ANKRD46: variants seen among roughly 807,000 people sequenced by gnomAD.
The protein encoded by ANKRD46 is ankyrin repeat domain-containing protein 46.
Under a neutral mutation model 19.8 loss-of-function variants are expected in ANKRD46, and 13 were observed. The observed-to-expected ratio is 0.66, with a 90% CI of 0.43 to 1.04. ANKRD46 has a LOEUF of 1.04. Among genes scored for constraint, ANKRD46 ranks in the 50% least tolerant of loss-of-function variants. The pLI is 0.00. For synonymous variants in ANKRD46, 91 were observed against 106.9 expected (o/e 0.85, Z 0.92); for missense variants, 185 against 274.8 (o/e 0.67, Z 2.31).
At chr8:100,531,924 T>C (rs949330918) in intron 2 of ANKRD46, among the ~76,000 whole-genome samples, 4 of 152,162 alleles carry the variant, frequency 2.6e-5, no homozygotes, top group Non-Finnish European at 5.9e-5. Context: ...GGGAGATCAA[T>C]CATTAGGTCA....
intron 1 of ANKRD46, among the ~76,000 whole-genome samples, chr8:100,538,799 TC>T (rs1812116873): frequency 6.6e-6 from 1 of 152,090 alleles, no homozygotes; most frequent in African/African-American, 2.4e-5. Context: ...ATAGTCTGAC[TC>T]CCCTGAAAGG....
intron 1 of ANKRD46, among the ~76,000 whole-genome samples, chr8:100,535,238 T>C (rs146044607): frequency 2.6e-4 from 40 of 152,346 alleles, no homozygotes; most frequent in African/African-American, 9.4e-4. Context: ...ACTCTGTTAA[T>C]AGCTTCCCTA....
chr8:100,530,446 C>T (rs764382248), intron 2 of ANKRD46, among the ~76,000 whole-genome samples: 15 of 151,440 alleles, frequency 9.9e-5, no homozygotes, highest in Non-Finnish European at 1.9e-4. Flanking sequence ...TGCAGTGGCG[C>T]GGTCTTGGCT....
Position 100,510,281 on chromosome 8 carries a change from T to C in ANKRD46, c.*296A>G. ...TTGTTCAAGATCAAATGGATGTGAT[T>C]TGCCTTGTGGAGGTGGCATCCTGCC... On this transcript the variant is annotated 3_prime_UTR_variant, in exon 6 of 6. Coordinates refer to the ANKRD46 transcript ENST00000520552. The surrounding 1 kb of genome is among the most constrained non-coding windows in gnomAD (Gnocchi z 4.9). 1 of 349,526 alleles carries C rather than the reference T, an allele frequency of 2.9e-6. No homozygotes were observed. Among genetic ancestry groups the C allele is most frequent in the Non-Finnish European group, 5.2e-6 (1 of 193,398 alleles). 21.7% of individuals were successfully genotyped at this position (349,526 alleles called of 1,614,324 possible).
rs1812263827 is a variant in ANKRD46 at position 100,545,867 on chromosome 8, C to T, written c.-130-12556G>A. ...TGGAGTAAAGGTCACTCATGCTATG[C>T]TTTAGCAAAAAGACTGGTGGCATTT... On this transcript the variant is annotated intron_variant, in intron 1 of 4. Coordinates refer to ENST00000335659, the MANE Select transcript of ANKRD46 (RefSeq NM_001270377.2). This position sits in a 1 kb window ranked among gnomAD's most constrained non-coding sequence, Gnocchi z 4.7. 6.6e-6 allele frequency among the ~76,000 whole-genome samples: 1 copy of T among 152,208 alleles called. No individual in the cohort carries two copies. Among genetic ancestry groups the T allele is most frequent in the Admixed American group, 6.5e-5 (1 of 15,282 alleles).
intron 5 of ANKRD46, among the ~76,000 whole-genome samples, chr8:100,515,396 G>T (rs1586774449): frequency 6.6e-6 from 1 of 151,414 alleles, no homozygotes; most frequent in African/African-American, 2.4e-5. Context: ...GATTTTTTTT[G>T]AGAAGTGGCA....
intron 4 of ANKRD46, among the ~76,000 whole-genome samples, chr8:100,523,576 T>C (rs542307029): frequency 6.6e-6 from 1 of 152,308 alleles, no homozygotes; most frequent in African/African-American, 2.4e-5. Context: ...CTTCTTTAAT[T>C]GTAATTCTCT....
chr8:100,556,742 C>T (rs1298863057), intron 1 of ANKRD46: 5 of 152,226 alleles, frequency 3.3e-5, no homozygotes, highest in Admixed American at 2.6e-4. Flanking sequence ...CTTCATCTTA[C>T]TTGACTTGTC....
chr8:100,510,602 T>C lies in ANKRD46; in HGVS notation c.674A>G (p.Asp225Gly). The change falls in exon 6 of 6, where the codon GAC becomes GGC. Residue 225 changes from aspartate (D) to glycine (G), a missense_variant. Coordinates refer to the ANKRD46 transcript ENST00000520552. This position sits in a 1 kb window ranked among gnomAD's most constrained non-coding sequence, Gnocchi z 4.9. ...TTAGATGGCCTGGATTCGGCTTCTGTCTTGCCTTGCAAAGCTTCCAAGCCT... is the reference window on the plus strand; with the variant it reads ...TTAGATGGCCTGGATTCGGCTTCTGCCTTGCCTTGCAAAGCTTCCAAGCCT... 6.5e-7 allele frequency: 1 copy of C among 1,535,678 alleles called. No individual in the cohort carries two copies. The highest frequency in any genetic ancestry group is 8.7e-7 in the Non-Finnish European group (1 of 1,146,694).
Position 100,537,699 on chromosome 8 carries a change from A to C in ANKRD46, c.-130-4388T>G, listed in dbSNP as rs1244088761. On this transcript the variant is annotated intron_variant, in intron 1 of 4. Transcript: ENST00000335659. This position sits in a 1 kb window ranked among gnomAD's most constrained non-coding sequence, Gnocchi z 4.2. Reference sequence around the variant, plus strand: ...AGGAAAAATGCCATGTTGAAAAGAAATTTAGCTGTGAGCAAGTAAGAATTT... The same window carrying C: ...AGGAAAAATGCCATGTTGAAAAGAACTTTAGCTGTGAGCAAGTAAGAATTT... 1.3e-5 allele frequency among the ~76,000 whole-genome samples: 2 copies of C among 152,240 alleles called. No homozygotes were observed. The highest frequency in any genetic ancestry group is 3.8e-4 in the East Asian group (2 of 5,206).
Position 100,546,923 on chromosome 8 carries a change from C to G in ANKRD46, c.-131+12788G>C, listed in dbSNP as rs987429125. On this transcript the variant is annotated intron_variant, in intron 1 of 4. Coordinates refer to ENST00000335659, the MANE Select transcript of ANKRD46 (RefSeq NM_001270377.2). This position sits in a 1 kb window ranked among gnomAD's most constrained non-coding sequence, Gnocchi z 4.0. ...CAGACTTGCATGAGGCCTGAGGCCCCTTTGTTTTGGCCAATTTCTCCCATT... is the reference window on the plus strand; with the variant it reads ...CAGACTTGCATGAGGCCTGAGGCCCGTTTGTTTTGGCCAATTTCTCCCATT... Among the ~76,000 whole-genome samples the G allele has an allele frequency of 6.6e-6, 1 of 152,194 alleles. No homozygotes were observed. Among genetic ancestry groups the G allele is most frequent in the Admixed American group, 6.5e-5 (1 of 15,278 alleles).
intron 1 of ANKRD46, among the ~76,000 whole-genome samples, chr8:100,547,905 G>A (rs1409940113): frequency 6.6e-6 from 1 of 152,050 alleles, no homozygotes; most frequent in Non-Finnish European, 1.5e-5. Flanking sequence ...TTCCTAACTG[G>A]TCTCTCAGTC....
chr8:100,555,482 A>G (rs1000527416), intron 1 of ANKRD46, among the ~76,000 whole-genome samples: 3 of 144,732 alleles, frequency 2.1e-5, no homozygotes, highest in Admixed American at 6.9e-5. Context: ...GACTGGGACT[A>G]AAAAAAAAAA....
At position 100,529,603 on chromosome 8, in the gene ANKRD46, T is replaced by C. The variant is rs996903268; in HGVS notation, c.231A>G (p.Gln77=). The change falls in exon 3 of 5, where the codon CAA becomes CAG. Residue 77 remains glutamine, a synonymous_variant. Transcript: ENST00000335659. The surrounding 1 kb of genome is among the most constrained non-coding windows in gnomAD (Gnocchi z 5.8). ...CACAGAGGTGAAGAGCTGTGTTTCC[T>C]TGATAATCTGTGGCCAGAAGATCGG... is the stretch of plus-strand genomic sequence containing the variant. The part of the protein sequence containing the change: ...FGADLLATDY[Q]GNTALHLCGH... The C allele has an allele frequency of 6.2e-7, 1 of 1,614,262 alleles. No individual in the cohort carries two copies. The highest frequency in any genetic ancestry group is 2.2e-5 in the East Asian group (1 of 44,894).
intron 1 of ANKRD46, among the ~76,000 whole-genome samples, chr8:100,548,559 A>G (rs1469689699): frequency 6.6e-6 from 1 of 152,242 alleles, no homozygotes; most frequent in Non-Finnish European, 1.5e-5. Context: ...CTTTGAGGGC[A>G]TGAGTTGTCT....
In ANKRD46 at chr8:100,520,829, C is replaced by A. The variant is rs1164657528; in HGVS notation, c.*1726G>T. 15 of 979,586 alleles carry A rather than the reference C, an allele frequency of 1.5e-5. No homozygotes were observed. Among genetic ancestry groups the A allele is most frequent in the Non-Finnish European group, 1.7e-5 (14 of 828,456 alleles). 60.7% of individuals were successfully genotyped at this position (979,586 alleles called of 1,614,324 possible). ...ATTCCTGAATGATGAATGCAGAGAA[C>A]AGAATACAAAGAAATCAGCACATAA... On this transcript the variant is annotated 3_prime_UTR_variant, in exon 5 of 5. Transcript: ENST00000335659.
intron 1 of ANKRD46, among the ~76,000 whole-genome samples, chr8:100,540,129 ACTCATTTAATC>A (rs1394334639): frequency 6.6e-6 from 1 of 152,030 alleles, no homozygotes; most frequent in African/African-American, 2.4e-5. Flanking sequence ...TCCTATAATA[ACTCATTTAATC>A]CTCATAGAAA....
chr8:100,515,280 G>A (rs1811611611), intron 5 of ANKRD46, among the ~76,000 whole-genome samples: 1 of 152,110 alleles, frequency 6.6e-6, no homozygotes, highest in African/African-American at 2.4e-5. Context: ...TACAAAATGT[G>A]GTAACATCAT....
At position 100,521,236 on chromosome 8, in the gene ANKRD46, A is replaced by G; in HGVS notation, c.*1319T>C. The G allele has an allele frequency of 2.0e-6, 2 of 985,366 alleles. No individual in the cohort carries two copies. Among genetic ancestry groups the G allele is most frequent in the Non-Finnish European group, 2.4e-6 (2 of 829,916 alleles). 61.0% of individuals were successfully genotyped at this position (985,366 alleles called of 1,614,324 possible). A position where few individuals can be genotyped will look rare whatever the true frequency, so the allele number is the denominator to read the frequency against. On this transcript the variant is annotated 3_prime_UTR_variant, in exon 5 of 5. Transcript: ENST00000335659. ...ATCACAGAAATACCAATTCTATTCTAAAGCATAATTTCTAATTCTAGCAGC... is the reference window on the plus strand; with the variant it reads ...ATCACAGAAATACCAATTCTATTCTGAAGCATAATTTCTAATTCTAGCAGC...
Sources: gnomAD v4.1 joint callset for allele counts (sites outside exome capture counted in the v4.1 genomes callset) on GRCh38, gnomAD v4.1.1 for gene constraint, Gnocchi (gnomAD v3.1) non-coding constraint, MANE v1.5 for transcripts, NCBI Gene and HGNC (gene_info 2026-07-23, HGNC 2026-07-21) for gene names.